The following LPXN variants were observed in gnomAD, a reference collection of about 807,000 sequenced individuals.
LPXN encodes leupaxin.
LPXN carries 28 observed loss-of-function variants against 45.6 expected under a neutral mutation model. The ratio of observed to expected loss-of-function variants is 0.61; its 90% CI spans 0.45 to 0.84. LPXN has a LOEUF of 0.84. Ranked by LOEUF, LPXN falls within the 40% of genes least tolerant of loss-of-function variation. The pLI, the probability that LPXN is intolerant of heterozygous loss-of-function variation, is 0.00. For missense variants in LPXN, 459 were observed against 475.0 expected, an observed-to-expected ratio of 0.97 and a Z score of 0.31; for synonymous variants, 166 against 169.9, an observed-to-expected ratio of 0.98 and a Z score of 0.18.
At chr11:58,560,802 T>C (rs1199607685) in intron 3 of LPXN, among the ~76,000 whole-genome samples, 1 of 152,246 alleles carries the variant, frequency 6.6e-6, no homozygotes, top group Non-Finnish European at 1.5e-5. Flanking sequence ...GTTTGTGCTG[T>C]GTGTCCTGAA....
At chr11:58,562,700 G>A (rs995613744) in intron 3 of LPXN, among the ~76,000 whole-genome samples, 1 of 152,156 alleles carries the variant, frequency 6.6e-6, no homozygotes, top group Non-Finnish European at 1.5e-5. Flanking sequence ...CAGAGCTAGG[G>A]GCCCAAGTCA....
At chr11:58,568,316 A>G (rs1854582778) in intron 2 of LPXN, among the ~76,000 whole-genome samples, 1 of 152,154 alleles carries the variant, frequency 6.6e-6, no homozygotes, top group Non-Finnish European at 1.5e-5. Flanking sequence ...ATTAAGTCAG[A>G]ATTTGGCTGG....
chr11:58,571,302 C>A (rs1301035446), intron 1 of LPXN, among the ~76,000 whole-genome samples: 1 of 151,956 alleles, frequency 6.6e-6, no homozygotes, highest in African/African-American at 2.4e-5. Flanking sequence ...CGCCACCACA[C>A]TCCAGCAGCC....
chr11:58,578,511 C>T (rs999284637), upstream of LPXN, among the ~76,000 whole-genome samples: 2 of 152,182 alleles, frequency 1.3e-5, no homozygotes, highest in Non-Finnish European at 2.9e-5. Context: ...GACTTTCATC[C>T]GGCAACCGAC....
chr11:58,567,902 C>T (rs537600158), intron 2 of LPXN, among the ~76,000 whole-genome samples: 2 of 152,232 alleles, frequency 1.3e-5, no homozygotes, highest in South Asian at 2.1e-4. Flanking sequence ...TTCACATATA[C>T]AAATAATAAC....
chr11:58,570,130 C>T (rs1472426000), intron 2 of LPXN, among the ~76,000 whole-genome samples: 1 of 151,964 alleles, frequency 6.6e-6, no homozygotes, highest in Non-Finnish European at 1.5e-5. Context: ...ATGACAAAAC[C>T]CGTCTCTACT....
intron 4 of LPXN, among the ~76,000 whole-genome samples, chr11:58,554,576 C>G (rs1854147213): frequency 6.6e-6 from 1 of 152,112 alleles, no homozygotes; most frequent in Non-Finnish European, 1.5e-5. Context: ...AAACTTATGC[C>G]TCATTTTGCC....
At chr11:58,560,691 A>G (rs1854347271) in intron 3 of LPXN, among the ~76,000 whole-genome samples, 1 of 152,208 alleles carries the variant, frequency 6.6e-6, no homozygotes, top group East Asian at 1.9e-4. Flanking sequence ...GCTAGGTATT[A>G]TCACCTCCAA....
chr11:58,552,661 A>T (rs1484649879), intron 4 of LPXN, among the ~76,000 whole-genome samples: 1 of 152,152 alleles, frequency 6.6e-6, no homozygotes, highest in African/African-American at 2.4e-5. Flanking sequence ...ATAACATCAC[A>T]CTGTCACCAA....
At position 58,527,605 on chromosome 11, in the gene LPXN, G is replaced by GT; in HGVS notation, c.1009dup (p.Thr337AsnfsTer15). 2.5e-6 allele frequency: 4 copies of GT among 1,614,232 alleles called. No homozygotes were observed. The highest frequency in any genetic ancestry group is 3.4e-6 in the Non-Finnish European group (4 of 1,180,036). ...CCCCATGGCACTGATACAACGGCCA[G>GT]TGATGGGCTGCCCACACCCATGGCA... On this transcript the variant is annotated frameshift_variant, in exon 9 of 9. Coordinates refer to ENST00000395074, the MANE Select transcript of LPXN (RefSeq NM_004811.3). LOFTEE classifies it high-confidence loss of function.
At chr11:58,536,954 T>G (rs566100666) in intron 7 of LPXN, among the ~76,000 whole-genome samples, 1 of 151,294 alleles carries the variant, frequency 6.6e-6, no homozygotes, top group South Asian at 2.1e-4. Flanking sequence ...ATCAAAACCA[T>G]AATGAGATAC....
intron 7 of LPXN, among the ~76,000 whole-genome samples, chr11:58,539,014 T>C (rs545207932): frequency 2.8e-4 from 31 of 111,750 alleles, no homozygotes; most frequent in East Asian, 1.9e-3. Flanking sequence ...ACAACAACAA[T>C]GACAGATTCT....
upstream of LPXN, among the ~76,000 whole-genome samples, chr11:58,577,469 C>T (rs980882912): frequency 7.2e-5 from 11 of 151,904 alleles, no homozygotes; most frequent in African/African-American, 1.5e-4. Context: ...ATCTTGTTTC[C>T]AGCTTCTTTC....
Position 58,528,205 on chromosome 11 carries a change from A to G in LPXN, c.743-14T>C. On this transcript the variant is annotated splice_polypyrimidine_tract_variant and intron_variant, in intron 7 of 8. Transcript: ENST00000395074. ...TCTCATGAAAGCCTGGAGAGATAAA[A>G]TCAGGAATTCACTGTTGCAGGTTGA... The G allele has an allele frequency of 6.2e-7, 1 of 1,611,774 alleles. No homozygotes were observed.
intron 3 of LPXN, among the ~76,000 whole-genome samples, chr11:58,557,222 TC>T (rs1417245674): frequency 6.6e-6 from 1 of 152,178 alleles, no homozygotes; most frequent in East Asian, 1.9e-4. Context: ...AATTACCACT[TC>T]GTAAAGATCT....
At chr11:58,576,125 T>C (rs1257474625), upstream of LPXN, among the ~76,000 whole-genome samples, 2 of 152,096 alleles carry the variant, frequency 1.3e-5, no homozygotes, top group Non-Finnish European at 2.9e-5. Flanking sequence ...GGCAGACTTA[T>C]ACTTGCGTTT....
chr11:58,539,856 T>G (rs1300429095), intron 7 of LPXN, among the ~76,000 whole-genome samples: 1 of 152,120 alleles, frequency 6.6e-6, no homozygotes, highest in Non-Finnish European at 1.5e-5. Context: ...CTAATAAATA[T>G]GGAAGGAATA....
rs762056520 is a variant in LPXN at position 58,570,572 on chromosome 11, T to G, written c.155A>C (p.Asn52Thr). ...AAAATTTACCGGCAAGGGACTTGTG[T>G]TATCCTGAATAGAAAGGATCTCCGA... ...ETSEILSIQD[N>T]TSPLPAQLVY... Residue 52 changes from asparagine (N) to threonine (T), a missense_variant, in exon 2 of 9, where the codon AAC becomes ACC. Asn to Thr is a moderately conservative substitution (Grantham distance 65). Coordinates refer to ENST00000395074, the MANE Select transcript of LPXN (RefSeq NM_004811.3). The G allele has an allele frequency of 3.1e-6, 5 of 1,612,130 alleles. No individual in the cohort carries two copies. The East Asian group carries it at 1.1e-4, about 36-fold the overall frequency.
At chr11:58,533,750 T>G (rs1471645082) in intron 7 of LPXN, among the ~76,000 whole-genome samples, 1 of 152,046 alleles carries the variant, frequency 6.6e-6, no homozygotes, top group Non-Finnish European at 1.5e-5. Flanking sequence ...GAGGCAAGAC[T>G]CATTGGTGTG....
Sources: allele counts gnomAD v4.1 joint callset (sites outside exome capture counted in the v4.1 genomes callset), GRCh38; gene constraint gnomAD v4.1.1; transcripts MANE v1.5; gene names NCBI Gene and HGNC (gene_info 2026-07-23, HGNC 2026-07-21).